The following DOCK8 variants were observed in gnomAD, a reference collection of about 807,000 sequenced individuals.
The protein encoded by DOCK8 is dedicator of cytokinesis protein 8.
DOCK8 carries 141 observed loss-of-function variants against 245.6 expected under a neutral mutation model. That is an observed-to-expected ratio of 0.57 (90% CI 0.50 to 0.66). DOCK8 has a LOEUF of 0.66. Ranked by LOEUF, DOCK8 falls within the 30% of genes least tolerant of loss-of-function variation. DOCK8 has a pLI of 0.00. For missense variants in DOCK8, 2,965 were observed against 2,603.4 expected (o/e 1.14, Z -3.02); for synonymous variants, 1,168 against 970.2 (o/e 1.20, Z -3.79).
At chr9:294,977 T>C (rs923221001) in intron 4 of DOCK8, among the ~76,000 whole-genome samples, 1 of 152,032 alleles carries the variant, frequency 6.6e-6, no homozygotes, top group African/African-American at 2.4e-5. Context: ...CTGACCAACA[T>C]GGTGAAACCC....
intron 39 of DOCK8, among the ~76,000 whole-genome samples, chr9:436,716 G>T (rs1208619153): frequency 1.3e-5 from 2 of 152,138 alleles, no homozygotes; most frequent in Admixed American, 6.5e-5. Flanking sequence ...CGACATGGGG[G>T]CATACAGCTC....
intron 4 of DOCK8, among the ~76,000 whole-genome samples, chr9:294,907 C>G (rs1013078532): frequency 5.3e-5 from 8 of 152,292 alleles, no homozygotes; most frequent in African/African-American, 1.9e-4. Flanking sequence ...TGCCTGTAAT[C>G]CCAGCACTTT....
intron 14 of DOCK8, among the ~76,000 whole-genome samples, chr9:344,728 G>A (rs2051786474): frequency 6.6e-6 from 1 of 152,132 alleles, no homozygotes; most frequent in Non-Finnish European, 1.5e-5. Context: ...TAACAGGTAT[G>A]GATTAGTCTT....
intron 1 of DOCK8, among the ~76,000 whole-genome samples, chr9:244,557 G>A (rs1033258967): frequency 6.6e-6 from 1 of 151,970 alleles, no homozygotes; most frequent in African/African-American, 2.4e-5. Context: ...CCTGCCCCTG[G>A]TGTTCTGTAA....
chr9:294,042 A>T (rs1056064180), intron 4 of DOCK8, among the ~76,000 whole-genome samples: 1 of 152,168 alleles, frequency 6.6e-6, no homozygotes, highest in African/African-American at 2.4e-5. Context: ...TTGTCTATTT[A>T]TATTTTTCAC....
rs563380608 is a variant in DOCK8 at position 429,564 on chromosome 9, G to A, written c.4474-138G>A. On this transcript the variant is annotated intron_variant, in intron 35 of 47. Coordinates refer to ENST00000432829, the MANE Select transcript of DOCK8 (RefSeq NM_203447.4). ...TTAAATCCATCTTCTGATTCACATA[G>A]CTCATTATCTTTATGGAATAATGCA... is the stretch of plus-strand genomic sequence containing the variant. 14 of 987,238 alleles carry A rather than the reference G, an allele frequency of 1.4e-5. No homozygotes were observed. The African/African-American group carries it at 1.6e-4, about 11-fold the overall frequency. 61.2% of individuals were successfully genotyped at this position (987,238 alleles called of 1,614,324 possible). A position where few individuals can be genotyped will look rare whatever the true frequency, so the allele number is the denominator to read the frequency against.
At chr9:323,867 AT>A (rs2050634988) in intron 7 of DOCK8, among the ~76,000 whole-genome samples, 1 of 152,198 alleles carries the variant, frequency 6.6e-6, no homozygotes, top group Non-Finnish European at 1.5e-5. Context: ...ATAATATTCC[AT>A]TGTATATATG....
At chr9:261,225 C>T (rs2047910289) in intron 1 of DOCK8, among the ~76,000 whole-genome samples, 1 of 152,030 alleles carries the variant, frequency 6.6e-6, no homozygotes. Context: ...AAATATCTTA[C>T]ATGCTCAAAA....
intron 1 of DOCK8, among the ~76,000 whole-genome samples, chr9:245,690 TA>T (rs756245919): frequency 2.3e-4 from 35 of 152,140 alleles, no homozygotes; most frequent in South Asian, 6.2e-4. Context: ...GTGCTGTGAA[TA>T]AAGGAAAAAA....
intron 28 of DOCK8, among the ~76,000 whole-genome samples, chr9:410,993 C>T (rs1169292490): frequency 6.6e-6 from 1 of 152,130 alleles, no homozygotes; most frequent in African/African-American, 2.4e-5. Context: ...GGATAAATTC[C>T]TTAAAAGGTA....
chr9:434,019 A>G, intron 38 of DOCK8, 44 bp downstream of exon 38: 1 of 1,417,572 alleles, frequency 7.1e-7, no homozygotes, highest in Non-Finnish European at 1.0e-6. Context: ...TTGGGGGTCG[A>G]GGATTTGTCA....
chr9:323,516 T>C (rs776450467), intron 7 of DOCK8, among the ~76,000 whole-genome samples: 14 of 152,102 alleles, frequency 9.2e-5, no homozygotes, highest in Non-Finnish European at 1.9e-4. Flanking sequence ...CCACTGCGCC[T>C]GGCCAAAATC....
In DOCK8 at chr9:452,056, G is replaced by A; in HGVS notation, c.6007G>A (p.Asp2003Asn). The change falls in exon 46 of 48, where the codon GAT (aspartate) becomes AAT (asparagine). Residue 2003 changes from aspartate (D) to asparagine (N), a missense_variant. By Grantham distance (23) the Asp-to-Asn change is conservative. Coordinates refer to ENST00000432829, the MANE Select transcript of DOCK8 (RefSeq NM_203447.4). Reference sequence around the variant, plus strand: ...AGTGTTTTTGGCTGAAATTCCTGCTGATCCAAAACTCTATCGACATCACAA... The same window carrying A: ...AGTGTTTTTGGCTGAAATTCCTGCTAATCCAAAACTCTATCGACATCACAA... ...AQVFLAEIPA[D>N]PKLYRHHNKL... The A allele has an allele frequency of 1.3e-6, 2 of 1,593,134 alleles. No individual in the cohort carries two copies. The highest frequency in any genetic ancestry group is 1.7e-6 in the Non-Finnish European group (2 of 1,171,340).
At chr9:387,256 C>G (rs1410910869) in intron 23 of DOCK8, among the ~76,000 whole-genome samples, 1 of 152,008 alleles carries the variant, frequency 6.6e-6, no homozygotes, top group Non-Finnish European at 1.5e-5. Flanking sequence ...TAAGCCTGGC[C>G]AACATGGTGA....
At chr9:367,937 GA>G (rs1379185928) in intron 14 of DOCK8, 80 bp from the exon 15 acceptor site, 1 of 1,174,808 alleles carries the variant, frequency 8.5e-7, no homozygotes, top group East Asian at 2.3e-5. Flanking sequence ...CCCATGAATG[GA>G]AGTCTCAGCA....
At chr9:407,233 A>G (rs1380058677) in intron 28 of DOCK8, among the ~76,000 whole-genome samples, 164 bp downstream of exon 28, 1 of 152,332 alleles carries the variant, frequency 6.6e-6, no homozygotes, top group East Asian at 1.9e-4. Flanking sequence ...CATAAGCACA[A>G]GGCACAAGAA....
rs993104851 is a variant in DOCK8 at position 322,399 on chromosome 9, C to T, written c.828-3272C>T. 4.1e-3 allele frequency among the ~76,000 whole-genome samples: 568 copies of T among 139,340 alleles called. 6 individuals carry two copies. The highest frequency in any genetic ancestry group is 7.7e-4 in the Non-Finnish European group (49 of 63,968). The allele number at this position is 139,340 out of a possible 152,430, so 91.4% of individuals were successfully genotyped here. ...GGTTCTGTGATCAGAGATGGCTGGG[C>T]TCAAAACCTGACCGAACACTCACGG... is the stretch of plus-strand genomic sequence containing the variant. On this transcript the variant is annotated intron_variant, in intron 7 of 47. Coordinates refer to ENST00000432829, the MANE Select transcript of DOCK8 (RefSeq NM_203447.4).
chr9:268,689 CAGG>C (rs2048089818), intron 1 of DOCK8, among the ~76,000 whole-genome samples: 2 of 152,160 alleles, frequency 1.3e-5, no homozygotes, highest in Non-Finnish European at 2.9e-5. Flanking sequence ...ACAGCAGTCG[CAGG>C]AGAAGTCAGT....
At chr9:406,117 G>A (rs1475508) in intron 27 of DOCK8, among the ~76,000 whole-genome samples, 15,262 of 152,182 alleles carry the variant, frequency 0.1, 1,501 homozygotes, top group East Asian at 0.51. Flanking sequence ...ACTGAGGACC[G>A]GTAAATCTAA....
Sources: allele counts gnomAD v4.1 joint callset (sites outside exome capture counted in the v4.1 genomes callset), GRCh38; gene constraint gnomAD v4.1.1; transcripts MANE v1.5; gene names NCBI Gene and HGNC (gene_info 2026-07-23, HGNC 2026-07-21).